The following HSD17B7 variants were observed in gnomAD, a reference collection of about 807,000 sequenced individuals.
HSD17B7 encodes the protein hydroxysteroid 17-beta dehydrogenase 7.
HSD17B7 carries 17 observed loss-of-function variants against 34.1 expected under a neutral mutation model. The ratio of observed to expected loss-of-function variants is 0.50; its 90% CI spans 0.34 to 0.75. HSD17B7 has a LOEUF of 0.75. HSD17B7 is among the 30% of genes least tolerant of loss of function. The pLI, the probability that HSD17B7 is intolerant of heterozygous loss-of-function variation, is 0.01. For synonymous variants in HSD17B7, 122 were observed against 154.6 expected (o/e 0.79, Z 1.56); for missense variants, 296 against 406.6 (o/e 0.73, Z 2.34).
At chr1:162,794,456 C>T (rs1431948468) in intron 2 of HSD17B7, among the ~76,000 whole-genome samples, 10 of 152,068 alleles carry the variant, frequency 6.6e-5, no homozygotes, top group African/African-American at 2.2e-4. Context: ...GAGTTTTCTA[C>T]CGCATCTTAA....
rs778250388 is a variant in HSD17B7 at position 162,792,735 on chromosome 1, A to C, written c.112A>C (p.Met38Leu). 6.2e-7 allele frequency: 1 copy of C among 1,614,210 alleles called. No individual in the cohort carries two copies. The highest frequency in any genetic ancestry group is 8.5e-7 in the Non-Finnish European group (1 of 1,180,048). ...TCATCTGTGTTTGGCGTGCAGGAAC[A>C]TGAGCAAGGCAGAAGCTGTCTGTGC... ...ELHLCLACRN[M>L]SKAEAVCAAL... is the part of the protein sequence containing the mutation. Residue 38 changes from methionine to leucine, a missense_variant, in exon 2 of 9, where the codon ATG (methionine) becomes CTG (leucine). Transcript: ENST00000254521.
chr1:162,801,359 T>G (rs1481951354), intron 5 of HSD17B7, among the ~76,000 whole-genome samples: 1 of 152,200 alleles, frequency 6.6e-6, no homozygotes, highest in African/African-American at 2.4e-5. Flanking sequence ...GCATATTATT[T>G]AATCTCCCTA....
chr1:162,808,191 G>A (rs1571009871), intron 8 of HSD17B7, among the ~76,000 whole-genome samples: 2 of 152,150 alleles, frequency 1.3e-5, no homozygotes, highest in Non-Finnish European at 2.9e-5. Flanking sequence ...CATATGGCTA[G>A]CCAGTTTTCC....
At chr1:162,800,220 A>G in intron 5 of HSD17B7, 1 of 565,302 alleles carries the variant, frequency 1.8e-6, no homozygotes, top group Non-Finnish European at 3.4e-6. Context: ...CAGGTGCTGT[A>G]TTCGTCTGTG....
At chr1:162,807,966 G>T (rs1367815736) in intron 8 of HSD17B7, among the ~76,000 whole-genome samples, 1 of 152,106 alleles carries the variant, frequency 6.6e-6, no homozygotes, top group East Asian at 1.9e-4. Flanking sequence ...AAGCTCTTTA[G>T]TTTAATTAGA....
At chr1:162,793,029 T>TTA in intron 2 of HSD17B7, 167 bp downstream of exon 2, 23 of 471,340 alleles carry the variant, frequency 4.9e-5, no homozygotes, top group Non-Finnish European at 5.9e-5. Context: ...CACGTTTTCT[T>TTA]TCTTTTTTTT....
Position 162,804,328 on chromosome 1 carries a change from G to A in HSD17B7, c.804+5G>A. On this transcript the variant is annotated splice_donor_5th_base_variant and intron_variant, in intron 7 of 8. Transcript: ENST00000254521. ...TATAATGGAACAGAAGCTCTGGTATGTTACTGAAGTTTTTATAACTTGTAT... is the reference window on the plus strand; with the variant it reads ...TATAATGGAACAGAAGCTCTGGTATATTACTGAAGTTTTTATAACTTGTAT... 1.3e-6 allele frequency: 2 copies of A among 1,553,158 alleles called. No homozygotes were observed. The highest frequency in any genetic ancestry group is 1.8e-6 in the Non-Finnish European group (2 of 1,132,568).
At chr1:162,798,874 A>G in intron 4 of HSD17B7, 1 of 278,300 alleles carries the variant, frequency 3.6e-6, no homozygotes, top group Non-Finnish European at 7.5e-6. Context: ...CATGCCTGTA[A>G]TCCCAGCTGC....
chr1:162,791,789 T>C (rs1205198879), intron 1 of HSD17B7, among the ~76,000 whole-genome samples: 1 of 152,102 alleles, frequency 6.6e-6, no homozygotes, highest in Non-Finnish European at 1.5e-5. Flanking sequence ...ACTGTTCTCA[T>C]GTGAGGACAA....
intron 2 of HSD17B7, among the ~76,000 whole-genome samples, chr1:162,794,078 A>G (rs939637169): frequency 1.3e-5 from 2 of 152,138 alleles, no homozygotes; most frequent in Non-Finnish European, 2.9e-5. Context: ...TTATTTATTT[A>G]TTTGTTTTTA....
At chr1:162,804,118 A>G in intron 6 of HSD17B7, 149 bp from the exon 7 acceptor site, 1 of 572,336 alleles carries the variant, frequency 1.7e-6, no homozygotes, top group Non-Finnish European at 3.2e-6. Flanking sequence ...AGATTAAATG[A>G]TGTTTCTTTT....
In HSD17B7 at chr1:162,800,159, G is replaced by A; in HGVS notation, c.642+222G>A. On this transcript the variant is annotated intron_variant, in intron 5 of 8. Coordinates refer to ENST00000254521, the MANE Select transcript of HSD17B7 (RefSeq NM_016371.4). ...AGGAATTCTAACTTATGTTAACAGAGTGACACTACTAAAAGTGATAATAGC... is the reference window on the plus strand; with the variant it reads ...AGGAATTCTAACTTATGTTAACAGAATGACACTACTAAAAGTGATAATAGC... 5.9e-6 allele frequency: 4 copies of A among 682,634 alleles called. No homozygotes were observed. In the South Asian group the frequency reaches 6.0e-5, roughly 10 times the overall value. The allele number at this position is 682,634 out of a possible 1,614,324, so 42.3% of individuals were successfully genotyped here. A position where few individuals can be genotyped will look rare whatever the true frequency, so the allele number is the denominator to read the frequency against.
intron 2 of HSD17B7, chr1:162,795,520 C>T: frequency 2.7e-6 from 1 of 374,888 alleles, no homozygotes; most frequent in Non-Finnish European, 5.3e-6. Context: ...TGGATGAACT[C>T]ACACTATCTT....
intron 2 of HSD17B7, among the ~76,000 whole-genome samples, chr1:162,794,471 A>C (rs1313791631): frequency 6.6e-6 from 1 of 152,210 alleles, no homozygotes; most frequent in South Asian, 2.1e-4. Context: ...TCTTAAAGAA[A>C]AAAAAACAAA....
intron 8 of HSD17B7, among the ~76,000 whole-genome samples, chr1:162,809,553 C>T (rs1649105637): frequency 6.6e-6 from 1 of 151,788 alleles, no homozygotes; most frequent in Non-Finnish European, 1.5e-5. Context: ...GGTACCATCT[C>T]CTTGTACCTC....
intron 8 of HSD17B7, among the ~76,000 whole-genome samples, chr1:162,811,135 G>A (rs1418109888): frequency 1.3e-5 from 2 of 149,570 alleles, no homozygotes; most frequent in Non-Finnish European, 3.0e-5. Flanking sequence ...TTCTTGTAGG[G>A]CAGGCCTGGT....
At chr1:162,812,135 A>T (rs1649188627) in intron 8 of HSD17B7, among the ~76,000 whole-genome samples, 163 bp from the exon 9 acceptor site, 1 of 152,212 alleles carries the variant, frequency 6.6e-6, no homozygotes, top group African/African-American at 2.4e-5. Flanking sequence ...ACTGAGATTT[A>T]GTATGTCTTC....
intron 5 of HSD17B7, chr1:162,800,352 G>C: frequency 3.8e-5 from 17 of 444,736 alleles, no homozygotes; most frequent in South Asian, 2.7e-4. Flanking sequence ...ACTTGTAAAT[G>C]GTAGAGCTCA....
At chr1:162,797,322 G>C (rs772515929) in intron 3 of HSD17B7, 1 of 159,452 alleles carries the variant, frequency 6.3e-6, no homozygotes, top group Non-Finnish European at 1.4e-5. Context: ...TCCCCGCATT[G>C]ATTTTGACCT....
Sources: allele counts gnomAD v4.1 joint callset (sites outside exome capture counted in the v4.1 genomes callset), GRCh38; gene constraint gnomAD v4.1.1; transcripts MANE v1.5; gene names NCBI Gene and HGNC (gene_info 2026-07-23, HGNC 2026-07-21).